The following RANBP2 variants were observed in gnomAD, a reference collection of about 807,000 sequenced individuals.
RANBP2 encodes the protein RAN binding protein 2.
A neutral mutation model predicts 303.6 loss-of-function variants in RANBP2; 57 were observed. That is an observed-to-expected ratio of 0.19 (90% CI 0.15 to 0.23). The LOEUF (loss-of-function observed/expected upper bound fraction) is 0.23, where lower values mean the gene tolerates loss of function less well. Among genes scored for constraint, RANBP2 ranks in the 10% least tolerant of loss-of-function variants. The pLI, the probability that RANBP2 is intolerant of heterozygous loss-of-function variation, is 1.00. For missense variants in RANBP2, 3,138 were observed against 3,780.8 expected (o/e 0.83, Z 4.46); for synonymous variants, 1,167 against 1,301.5 (o/e 0.90, Z 2.23).
chr2:109,467,999 C>T, the RANBP2 span, among the ~76,000 whole-genome samples: 774 of 152,346 alleles, frequency 5.1e-3, 3 homozygotes, highest in Non-Finnish European at 7.7e-3. Context: ...CTCCTCAGAG[C>T]GGAAAACATT....
the RANBP2 span, chr2:108,896,873 C>G: frequency 6.3e-7 from 1 of 1,594,390 alleles, no homozygotes; most frequent in Admixed American, 1.7e-5. Context: ...GGCTCCTTGG[C>G]TTGTCCTGGG....
chr2:109,023,530 C>T, the RANBP2 span, among the ~76,000 whole-genome samples: 2 of 152,138 alleles, frequency 1.3e-5, no homozygotes, highest in Admixed American at 1.3e-4. Context: ...AGCCTGGGCA[C>T]AATGGCTCAT....
the RANBP2 span, among the ~76,000 whole-genome samples, chr2:109,375,505 C>T: frequency 1.3e-5 from 2 of 152,222 alleles, no homozygotes; most frequent in Non-Finnish European, 2.9e-5. Flanking sequence ...GGGACAAGAA[C>T]TAAATCCAAA....
chr2:109,101,116 G>T, the RANBP2 span, among the ~76,000 whole-genome samples: 1 of 152,158 alleles, frequency 6.6e-6, no homozygotes, highest in South Asian at 2.1e-4. Context: ...CAGTGGGAGT[G>T]GCCCGAGTGG....
intron 1 of RANBP2, among the ~76,000 whole-genome samples, chr2:108,724,999 AAGT>A (rs1248909345): frequency 6.6e-6 from 1 of 152,184 alleles, no homozygotes; most frequent in Non-Finnish European, 1.5e-5. Flanking sequence ...CATAGTGAAA[AAGT>A]AGGCCACAAA....
the RANBP2 span, among the ~76,000 whole-genome samples, chr2:109,154,075 A>G: frequency 6.6e-6 from 1 of 152,168 alleles, no homozygotes; most frequent in African/African-American, 2.4e-5. Flanking sequence ...TCAAAGTATG[A>G]ACACTGTCAA....
chr2:109,690,269 C>G, the RANBP2 span, among the ~76,000 whole-genome samples: 1 of 152,156 alleles, frequency 6.6e-6, no homozygotes, highest in African/African-American at 2.4e-5. Flanking sequence ...GTAAGATGAA[C>G]GTTGGTTCGG....
the RANBP2 span, among the ~76,000 whole-genome samples, chr2:109,216,241 T>G: frequency 3.3e-5 from 5 of 152,144 alleles, no homozygotes; most frequent in Non-Finnish European, 2.9e-5. Context: ...TGCTTCCAGG[T>G]CCTAACTACT....
chr2:109,394,815 C>T, the RANBP2 span, among the ~76,000 whole-genome samples: 1 of 152,238 alleles, frequency 6.6e-6, no homozygotes, highest in Non-Finnish European at 1.5e-5. Flanking sequence ...GCAGAGCCAC[C>T]TGGCTTCCCT....
the RANBP2 span, among the ~76,000 whole-genome samples, chr2:108,854,398 T>G: frequency 1.3e-5 from 2 of 152,080 alleles, no homozygotes; most frequent in South Asian, 2.1e-4. Context: ...TCTTTTTTGT[T>G]TGTTTGTTTT....
the RANBP2 span, among the ~76,000 whole-genome samples, chr2:109,076,000 A>G: frequency 8.9e-3 from 1,339 of 150,912 alleles, 68 homozygotes; most frequent in East Asian, 0.041. Context: ...AGAAAACCAC[A>G]TGCCAATATC....
chr2:109,464,784 A>C, the RANBP2 span, among the ~76,000 whole-genome samples: 1 of 152,236 alleles, frequency 6.6e-6, no homozygotes, highest in Non-Finnish European at 1.5e-5. Flanking sequence ...AAAGTGGTAC[A>C]TGTGTCAGGA....
the RANBP2 span, among the ~76,000 whole-genome samples, chr2:109,217,929 A>C: frequency 6.6e-6 from 1 of 152,126 alleles, no homozygotes; most frequent in Non-Finnish European, 1.5e-5. Context: ...CTTGCAAGAC[A>C]GCTCAGCCAG....
the RANBP2 span, among the ~76,000 whole-genome samples, chr2:109,239,350 T>A: frequency 6.6e-6 from 1 of 152,152 alleles, no homozygotes; most frequent in South Asian, 2.1e-4. Flanking sequence ...ATTCAATGGG[T>A]CATTTCCAAA....
the RANBP2 span, among the ~76,000 whole-genome samples, chr2:109,520,021 TACCGGTGTGC>T: frequency 1.3e-5 from 2 of 152,176 alleles, no homozygotes; most frequent in African/African-American, 4.8e-5. Context: ...TGGAAATAAA[TACCGGTGTGC>T]ACGCACACAC....
chr2:108,939,113 G>A, the RANBP2 span, among the ~76,000 whole-genome samples: 1 of 152,088 alleles, frequency 6.6e-6, no homozygotes, highest in African/African-American at 2.4e-5. Flanking sequence ...GTAACATGAA[G>A]TTTTGTTGAA....
the RANBP2 span, among the ~76,000 whole-genome samples, chr2:109,380,509 TG>T: frequency 6.6e-6 from 1 of 152,218 alleles, no homozygotes; most frequent in Non-Finnish European, 1.5e-5. Flanking sequence ...GGGTCTAAGC[TG>T]GGAAGCTTGC....
chr2:109,065,633 G>C, the RANBP2 span, among the ~76,000 whole-genome samples: 2 of 152,212 alleles, frequency 1.3e-5, no homozygotes, highest in African/African-American at 4.8e-5. Context: ...AGATGTAGTG[G>C]CTGTTTAAAG....
chr2:108,816,296 C>G, the RANBP2 span, among the ~76,000 whole-genome samples: 11 of 151,920 alleles, frequency 7.2e-5, no homozygotes, highest in South Asian at 2.3e-3. Flanking sequence ...ACTAAAAATA[C>G]AAAAAATAGG....
Sources: gnomAD v4.1 joint callset for allele counts (sites outside exome capture counted in the v4.1 genomes callset) on GRCh38, gnomAD v4.1.1 for gene constraint, MANE v1.5 for transcripts, NCBI Gene and HGNC (gene_info 2026-07-23, HGNC 2026-07-21) for gene names.